CAST: variants seen among roughly 807,000 people sequenced by gnomAD.
CAST encodes the protein calpastatin.
In CAST, 76 loss-of-function variants were observed where a neutral mutation model predicts 119.6. That is an observed-to-expected ratio of 0.64 (90% CI 0.53 to 0.77). The LOEUF is 0.77. CAST is among the 30% of genes least tolerant of loss of function. The pLI is 0.00. For synonymous variants in CAST, 319 were observed against 331.6 expected, an observed-to-expected ratio of 0.96 and a Z score of 0.41; for missense variants, 953 against 946.5, an observed-to-expected ratio of 1.01 and a Z score of -0.09.
At chr5:96,156,988 T>C in the CAST span, among the ~76,000 whole-genome samples, 4 of 152,240 alleles carry the variant, frequency 2.6e-5, no homozygotes, top group Non-Finnish European at 4.4e-5. Context: ...TATAAAACTT[T>C]ATATAGTTCA....
chr5:96,644,678 A>G (rs940591330), intron 1 of CAST, among the ~76,000 whole-genome samples: 6 of 152,290 alleles, frequency 3.9e-5, no homozygotes, highest in Admixed American at 3.3e-4. Context: ...GGATATTACT[A>G]TTAATGAAAC....
chr5:96,043,510 G>A, the CAST span, among the ~76,000 whole-genome samples: 1 of 152,232 alleles, frequency 6.6e-6, no homozygotes, highest in Non-Finnish European at 1.5e-5. Flanking sequence ...TTGAGGTAGG[G>A]TGGTTCCTGG....
chr5:96,308,765 G>C, the CAST span: 1 of 152,648 alleles, frequency 6.6e-6, no homozygotes, highest in Non-Finnish European at 1.5e-5. Context: ...GACCCTGTTT[G>C]CCTGGGTATC....
At chr5:96,710,087 A>T (rs1755801162) in intron 3 of CAST, among the ~76,000 whole-genome samples, 1 of 152,218 alleles carries the variant, frequency 6.6e-6, no homozygotes. Context: ...GCAAGCATGT[A>T]TGCCTTTGTC....
At chr5:96,079,166 C>T in the CAST span, 5 of 474,754 alleles carry the variant, frequency 1.1e-5, no homozygotes, top group Non-Finnish European at 2.2e-5. Context: ...AGAGGAAGGT[C>T]CCATTACTGC....
At chr5:96,232,136 A>C in the CAST span, among the ~76,000 whole-genome samples, 44 of 152,274 alleles carry the variant, frequency 2.9e-4, 1 homozygote, top group East Asian at 6.7e-3. Flanking sequence ...ATCCGGGGTC[A>C]ATTTCCATCA....
chr5:96,621,626 G>T (rs368003142), intron 1 of CAST, among the ~76,000 whole-genome samples: 1 of 152,148 alleles, frequency 6.6e-6, no homozygotes, highest in Non-Finnish European at 1.5e-5. Context: ...AACTGCTCCC[G>T]TGAGCCAATC....
chr5:96,112,283 C>A, the CAST span, among the ~76,000 whole-genome samples: 1 of 152,086 alleles, frequency 6.6e-6, no homozygotes, highest in African/African-American at 2.4e-5. Context: ...AGCAGCTATA[C>A]AAATTGCAGG....
At chr5:96,172,435 G>C in the CAST span, among the ~76,000 whole-genome samples, 147 of 152,284 alleles carry the variant, frequency 9.7e-4, 3 homozygotes, top group Admixed American at 4.6e-4. Flanking sequence ...AGACCATTGG[G>C]ATTATTGAAT....
the CAST span, among the ~76,000 whole-genome samples, chr5:96,195,984 A>C: frequency 5.3e-5 from 8 of 152,174 alleles, no homozygotes; most frequent in Middle Eastern, 3.2e-3. Flanking sequence ...TAGAGTGACT[A>C]TTCTAGTAAT....
At chr5:96,436,915 G>C in the CAST span, among the ~76,000 whole-genome samples, 2 of 152,174 alleles carry the variant, frequency 1.3e-5, no homozygotes, top group Non-Finnish European at 2.9e-5. Flanking sequence ...AGTACTTAGA[G>C]TATGAACTCC....
At chr5:96,681,560 C>T (rs1360583910) in intron 2 of CAST, among the ~76,000 whole-genome samples, 2 of 151,288 alleles carry the variant, frequency 1.3e-5, no homozygotes, top group African/African-American at 2.4e-5. Flanking sequence ...GGTGAAACCC[C>T]GTCTCTACTA....
the CAST span, among the ~76,000 whole-genome samples, chr5:96,364,554 G>A: frequency 6.6e-6 from 1 of 152,220 alleles, no homozygotes; most frequent in African/African-American, 2.4e-5. Context: ...AGTCTTGGGA[G>A]GATGTATGCG....
chr5:96,724,953 C>T (rs1318221855), intron 4 of CAST, among the ~76,000 whole-genome samples: 1 of 152,106 alleles, frequency 6.6e-6, no homozygotes, highest in Non-Finnish European at 1.5e-5. Context: ...TCTTTTTCAT[C>T]CTGTTGCCTG....
upstream of CAST, among the ~76,000 whole-genome samples, chr5:96,525,944 G>A (rs1040061594): frequency 2.0e-5 from 3 of 152,152 alleles, no homozygotes; most frequent in Non-Finnish European, 4.4e-5. Context: ...TTGGTCCAGA[G>A]TGTGGGTGTA....
At chr5:96,110,784 C>T in the CAST span, 1 of 152,190 alleles carries the variant, frequency 6.6e-6, no homozygotes, top group East Asian at 1.9e-4. Context: ...GGTCAGCTTT[C>T]ACTTAGCAGC....
At chr5:96,726,644 C>A in intron 4 of CAST, 150 bp from the exon 5 acceptor site, 2 of 530,124 alleles carry the variant, frequency 3.8e-6, no homozygotes, top group South Asian at 3.1e-5. Context: ...ATGTAAGTGC[C>A]TACAGCTTCT....
the CAST span, among the ~76,000 whole-genome samples, chr5:96,320,186 A>G: frequency 6.6e-6 from 1 of 150,426 alleles, no homozygotes. Flanking sequence ...TGAGACTGAC[A>G]GCTCATTAAA....
chr5:96,761,243 A>G (rs1767847721), intron 24 of CAST: 1 of 152,254 alleles, frequency 6.6e-6, no homozygotes, highest in South Asian at 2.1e-4. Flanking sequence ...TAGTTTAAGA[A>G]GAGACAATAC....
Sources: gnomAD v4.1 joint callset for allele counts (sites outside exome capture counted in the v4.1 genomes callset) on GRCh38, gnomAD v4.1.1 for gene constraint, MANE v1.5 for transcripts, NCBI Gene and HGNC (gene_info 2026-07-23, HGNC 2026-07-21) for gene names.